Variants in CHN2 observed in about 807,000 individuals in gnomAD.
The protein encoded by CHN2 is beta-chimaerin.
CHN2 carries 35 observed loss-of-function variants against 56.3 expected under a neutral mutation model. The ratio of observed to expected loss-of-function variants is 0.62; its 90% CI spans 0.47 to 0.82. The LOEUF (loss-of-function observed/expected upper bound fraction) is 0.82. Among genes scored for constraint, CHN2 ranks in the 40% least tolerant of loss-of-function variants. The pLI is 0.00. For synonymous variants in CHN2, 210 were observed against 212.8 expected (o/e 0.99, Z 0.12); for missense variants, 491 against 580.5 (o/e 0.85, Z 1.58).
intron 6 of CHN2, among the ~76,000 whole-genome samples, chr7:29,458,291 C>T (rs1385244931): frequency 2.6e-5 from 4 of 151,984 alleles, no homozygotes; most frequent in Non-Finnish European, 4.4e-5. Context: ...ATTTGAATCT[C>T]TGAACTATGA....
chr7:29,171,483 C>T (rs1050680460), intron 2 of CHN2, among the ~76,000 whole-genome samples: 8 of 152,164 alleles, frequency 5.3e-5, no homozygotes, highest in Admixed American at 3.9e-4. Context: ...GGATCCCAGA[C>T]GGAGAGGATT....
intron 1 of CHN2, among the ~76,000 whole-genome samples, chr7:29,210,480 T>C (rs908614265): frequency 2.0e-5 from 3 of 152,072 alleles, no homozygotes; most frequent in Non-Finnish European, 2.9e-5. Flanking sequence ...GTACTTATTA[T>C]TTACCATGTT....
At chr7:29,494,852 C>T (rs536746201) in intron 7 of CHN2, among the ~76,000 whole-genome samples, 3 of 144,156 alleles carry the variant, frequency 2.1e-5, no homozygotes, top group Non-Finnish European at 3.0e-5. Context: ...AGAACTCAAA[C>T]TGAGGCTCTT....
intron 1 of CHN2, among the ~76,000 whole-genome samples, chr7:29,230,371 C>T (rs1408184930): frequency 6.6e-6 from 1 of 152,142 alleles, no homozygotes; most frequent in African/African-American, 2.4e-5. Context: ...GACAGAGTCT[C>T]GCTCTGTCTT....
At chr7:29,162,425 G>A (rs1173196438) in intron 2 of CHN2, among the ~76,000 whole-genome samples, 1 of 152,162 alleles carries the variant, frequency 6.6e-6, no homozygotes, top group Non-Finnish European at 1.5e-5. Context: ...ACTTTGGGAG[G>A]CCAAAGCGGG....
chr7:29,443,846 T>C (rs1783847055), intron 6 of CHN2, among the ~76,000 whole-genome samples: 1 of 152,178 alleles, frequency 6.6e-6, no homozygotes, highest in African/African-American at 2.4e-5. Context: ...CCACTCACAT[T>C]TTATTACCCA....
chr7:29,352,752 G>A (rs769689756), intron 1 of CHN2, among the ~76,000 whole-genome samples: 2 of 151,862 alleles, frequency 1.3e-5, no homozygotes, highest in African/African-American at 2.4e-5. Flanking sequence ...AACAAAAAAA[G>A]CAAAAAACAA....
intron 4 of CHN2, chr7:29,397,479 C>T (rs1289871925): frequency 6.6e-6 from 1 of 152,226 alleles, no homozygotes; most frequent in African/African-American, 2.4e-5. Context: ...TTACTCCTTT[C>T]CCAGAAGCTT....
chr7:29,411,659 C>G (rs536582547), intron 6 of CHN2, among the ~76,000 whole-genome samples: 2 of 152,254 alleles, frequency 1.3e-5, no homozygotes, highest in Non-Finnish European at 2.9e-5. Flanking sequence ...GGAGCCAGGC[C>G]TTTCACCCTC....
At chr7:29,349,318 C>A (rs1223298836) in intron 1 of CHN2, among the ~76,000 whole-genome samples, 4 of 152,044 alleles carry the variant, frequency 2.6e-5, no homozygotes, top group African/African-American at 9.7e-5. Flanking sequence ...AAATATTAAC[C>A]CATCCAGTGC....
At chr7:29,502,752 T>A (rs1309950510) in intron 9 of CHN2, among the ~76,000 whole-genome samples, 3 of 151,326 alleles carry the variant, frequency 2.0e-5, no homozygotes, top group East Asian at 1.9e-4. Context: ...TTTTTTTTTT[T>A]AAAAGTGACG....
At chr7:29,407,998 G>C (rs1291726255) in intron 6 of CHN2, among the ~76,000 whole-genome samples, 8 of 151,900 alleles carry the variant, frequency 5.3e-5, no homozygotes, top group Non-Finnish European at 1.2e-4. Flanking sequence ...GACCAGCCTG[G>C]CCAACATGGT....
Position 29,228,439 on chromosome 7 carries a change from T to C in CHN2, c.49+33449T>C, listed in dbSNP as rs1786397894. 3.3e-5 allele frequency among the ~76,000 whole-genome samples: 5 copies of C among 152,336 alleles called. No individual in the cohort carries two copies. The South Asian group carries it at 1.0e-3, about 32-fold the overall frequency. ...GAGCAATAGGCTCCAGCATACGCTGTCTAGGTTTGTGTAAGCACACGCTAT... is the reference window on the plus strand; with the variant it reads ...GAGCAATAGGCTCCAGCATACGCTGCCTAGGTTTGTGTAAGCACACGCTAT... On this transcript the variant is annotated intron_variant, in intron 1 of 12. Coordinates refer to ENST00000222792, the MANE Select transcript of CHN2 (RefSeq NM_004067.4).
intron 1 of CHN2, among the ~76,000 whole-genome samples, chr7:29,344,519 C>G (rs532359365): frequency 6.6e-6 from 1 of 152,152 alleles, no homozygotes; most frequent in African/African-American, 2.4e-5. Context: ...ACTTCTGGCT[C>G]TCAGTGCCAT....
At chr7:29,407,891 T>TA (rs1409227318) in intron 6 of CHN2, among the ~76,000 whole-genome samples, 2 of 152,072 alleles carry the variant, frequency 1.3e-5, no homozygotes, top group Admixed American at 6.6e-5. Context: ...TGGGAGCTTT[T>TA]AAAAAAATGC....
At chr7:29,344,623 T>C (rs1797284512) in intron 1 of CHN2, among the ~76,000 whole-genome samples, 1 of 152,170 alleles carries the variant, frequency 6.6e-6, no homozygotes, top group Admixed American at 6.5e-5. Context: ...TACTGTGGGC[T>C]TCTGCAGTAG....
In CHN2 at chr7:29,151,167, C is replaced by T. The variant is rs561205167; in HGVS notation, c.274+4207C>T. 2.6e-5 allele frequency among the ~76,000 whole-genome samples: 4 copies of T among 152,304 alleles called. No individual in the cohort carries two copies. The East Asian group carries it at 5.8e-4, about 22-fold the overall frequency. On this transcript the variant is annotated intron_variant, in intron 2 of 6. Coordinates refer to the CHN2 transcript ENST00000439384. ...GGCACCTCCTAAGACTAGCCACAGG[C>T]TACAGACTCCAGGGAAGTTGTGGAT...
intron 2 of CHN2, chr7:29,147,323 C>T: frequency 4.9e-6 from 1 of 204,050 alleles, no homozygotes; most frequent in Middle Eastern, 2.0e-3. Context: ...TCTGCACTGT[C>T]CCGGGCCAAC....
At chr7:29,355,843 GCTCAA>G (rs1255829132) in intron 2 of CHN2, among the ~76,000 whole-genome samples, 41 of 141,624 alleles carry the variant, frequency 2.9e-4, no homozygotes, top group African/African-American at 1.1e-3. Flanking sequence ...GCGTGCAGTG[GCTCAA>G]TCTCAGCTCA....
Sources: gnomAD v4.1 joint callset for allele counts (sites outside exome capture counted in the v4.1 genomes callset) on GRCh38, gnomAD v4.1.1 for gene constraint, MANE v1.5 for transcripts, NCBI Gene and HGNC (gene_info 2026-07-23, HGNC 2026-07-21) for gene names.